The following METTL24 variants were observed in gnomAD, a reference collection of about 807,000 sequenced individuals.
METTL24 encodes the protein probable methyltransferase-like protein 24.
A neutral mutation model predicts 32.7 loss-of-function variants in METTL24; 29 were observed. The observed-to-expected ratio is 0.89, with a 90% CI of 0.66 to 1.21. METTL24 has a LOEUF of 1.21. Among genes scored for constraint, METTL24 ranks in the 50% most tolerant of loss-of-function variants. The pLI, the probability that METTL24 is intolerant of heterozygous loss-of-function variation, is 0.00. For synonymous variants in METTL24, 163 were observed against 179.5 expected, an observed-to-expected ratio of 0.91 and a Z score of 0.73; for missense variants, 439 against 468.1, an observed-to-expected ratio of 0.94 and a Z score of 0.57.
chr6:110,331,659 C>CAAA lies in METTL24; in HGVS notation c.319-8790_319-8788dup, dbSNP rs59304999. Among the ~76,000 whole-genome samples the CAAA allele has an allele frequency of 1.7e-3, 102 of 58,820 alleles. 1 individual carries two copies. Among genetic ancestry groups the CAAA allele is most frequent in the African/African-American group, 5.5e-3 (94 of 16,964 alleles). The allele number at this position is 58,820 out of a possible 152,430, so 38.6% of individuals were successfully genotyped here. A position where few individuals can be genotyped will look rare whatever the true frequency, so the allele number is the denominator to read the frequency against. On this transcript the variant is annotated intron_variant, in intron 1 of 4. Coordinates refer to ENST00000338882, the MANE Select transcript of METTL24 (RefSeq NM_001123364.3). ...TGTCTGACAAAGTGAGACCCTGCCTCAAAAAAAAAAAAAAAAAAAAAGGAA... is the reference window on the plus strand; with the variant it reads ...TGTCTGACAAAGTGAGACCCTGCCTCAAAAAAAAAAAAAAAAAAAAAAAAGGAA...
intron 4 of METTL24, among the ~76,000 whole-genome samples, chr6:110,254,954 G>C (rs1778355543): frequency 6.6e-6 from 1 of 152,194 alleles, no homozygotes; most frequent in South Asian, 2.1e-4. Context: ...TATTGTGAAT[G>C]TGAACAAGAA....
At chr6:110,337,546 C>G (rs1056881294) in intron 1 of METTL24, among the ~76,000 whole-genome samples, 1 of 152,146 alleles carries the variant, frequency 6.6e-6, no homozygotes. Flanking sequence ...TAGAACAGAC[C>G]ATTGGTCTTA....
intron 4 of METTL24, among the ~76,000 whole-genome samples, chr6:110,270,023 C>T (rs1378939677): frequency 3.3e-5 from 5 of 152,104 alleles, no homozygotes; most frequent in African/African-American, 7.2e-5. Flanking sequence ...TGATATGAAT[C>T]GACATGCTGG....
At chr6:110,342,251 G>T (rs1449676955) in intron 1 of METTL24, among the ~76,000 whole-genome samples, 1 of 152,206 alleles carries the variant, frequency 6.6e-6, no homozygotes, top group Admixed American at 6.5e-5. Context: ...GCAGGGCTGT[G>T]TGTATCTGAT....
chr6:110,290,896 C>T (rs1167872779), intron 4 of METTL24, among the ~76,000 whole-genome samples: 1 of 152,086 alleles, frequency 6.6e-6, no homozygotes, highest in East Asian at 1.9e-4. Flanking sequence ...AAATTTTAGC[C>T]ATTTTGGTAG....
intron 1 of METTL24, among the ~76,000 whole-genome samples, chr6:110,347,501 T>C (rs1176782894): frequency 6.6e-6 from 1 of 152,214 alleles, no homozygotes; most frequent in African/African-American, 2.4e-5. Context: ...TTAAAATGCA[T>C]ATAAAGTACC....
intron 4 of METTL24, among the ~76,000 whole-genome samples, chr6:110,248,835 C>T (rs1352580858): frequency 6.6e-6 from 1 of 152,000 alleles, no homozygotes; most frequent in Non-Finnish European, 1.5e-5. Context: ...CCTGCCCTGG[C>T]ATGTCCATGG....
intron 3 of METTL24, among the ~76,000 whole-genome samples, chr6:110,310,534 C>T (rs1047470039): frequency 9.2e-5 from 14 of 152,122 alleles, no homozygotes; most frequent in African/African-American, 2.7e-4. Context: ...GAACCCACAG[C>T]CTCTCCTTTT....
intron 1 of METTL24, among the ~76,000 whole-genome samples, chr6:110,333,511 T>G (rs1401879745): frequency 6.6e-6 from 1 of 152,220 alleles, no homozygotes; most frequent in Non-Finnish European, 1.5e-5. Flanking sequence ...TAGAGTGCAG[T>G]GACATGATCT....
chr6:110,264,208 T>C (rs1770810936), intron 4 of METTL24, among the ~76,000 whole-genome samples: 1 of 151,942 alleles, frequency 6.6e-6, no homozygotes, highest in Non-Finnish European at 1.5e-5. Context: ...GAGAAAATTT[T>C]TGCAATCTAC....
chr6:110,249,836 G>T (rs1778242410), intron 4 of METTL24, among the ~76,000 whole-genome samples: 1 of 151,920 alleles, frequency 6.6e-6, no homozygotes, highest in African/African-American at 2.4e-5. Context: ...GACATTCTTG[G>T]GTAGAAAGGT....
chr6:110,329,834 G>C (rs1235331271), intron 1 of METTL24, among the ~76,000 whole-genome samples: 2 of 152,184 alleles, frequency 1.3e-5, no homozygotes, highest in African/African-American at 4.8e-5. Flanking sequence ...TTCCGTTCTG[G>C]GTAAGCACAC....
chr6:110,317,237 T>C (rs1365080456), intron 2 of METTL24, among the ~76,000 whole-genome samples: 2 of 152,356 alleles, frequency 1.3e-5, no homozygotes, highest in East Asian at 1.9e-4. Flanking sequence ...GAAAATGGAA[T>C]TGAATCTTTT....
intron 4 of METTL24, among the ~76,000 whole-genome samples, chr6:110,285,706 C>T (rs1771208470): frequency 6.6e-6 from 1 of 152,208 alleles, no homozygotes; most frequent in African/African-American, 2.4e-5. Context: ...CTGAACGTAA[C>T]ATTCCTCTAC....
intron 2 of METTL24, among the ~76,000 whole-genome samples, chr6:110,316,953 C>T (rs1771832299): frequency 6.6e-6 from 1 of 152,034 alleles, no homozygotes; most frequent in Non-Finnish European, 1.5e-5. Context: ...TTGCCTAATC[C>T]TTTAACTGAT....
At chr6:110,291,125 A>G (rs1338279452) in intron 4 of METTL24, among the ~76,000 whole-genome samples, 1 of 152,062 alleles carries the variant, frequency 6.6e-6, no homozygotes, top group African/African-American at 2.4e-5. Flanking sequence ...TATATTTGTG[A>G]TGAATATTTT....
chr6:110,245,620 A>T lies in METTL24; in HGVS notation c.*326T>A, dbSNP rs1778141104. Among the ~76,000 whole-genome samples the T allele has an allele frequency of 6.6e-6, 1 of 152,252 alleles. No individual in the cohort carries two copies. The highest frequency in any genetic ancestry group is 2.4e-5 in the African/African-American group (1 of 41,472). ...AACCTAGTAAAAATAGGAAATTTAT[A>T]TAATTTCATTTCAATGTTGGTGAAT... On this transcript the variant is annotated 3_prime_UTR_variant, in exon 5 of 5. Transcript: ENST00000338882.
intron 1 of METTL24, among the ~76,000 whole-genome samples, chr6:110,336,656 G>A (rs1459926146): frequency 6.6e-6 from 1 of 151,364 alleles, no homozygotes; most frequent in African/African-American, 2.4e-5. Context: ...AGAAGAATGG[G>A]TGAACCCAGG....
At chr6:110,339,157 T>C (rs896059786) in intron 1 of METTL24, among the ~76,000 whole-genome samples, 3 of 152,332 alleles carry the variant, frequency 2.0e-5, no homozygotes, top group Admixed American at 6.5e-5. Context: ...GCCACAACTT[T>C]TATTTTCTTC....
Sources: gnomAD v4.1 joint callset for allele counts (sites outside exome capture counted in the v4.1 genomes callset) on GRCh38, gnomAD v4.1.1 for gene constraint, MANE v1.5 for transcripts, NCBI Gene and HGNC (gene_info 2026-07-23, HGNC 2026-07-21) for gene names.